The following AGL variants were observed in gnomAD, a reference collection of about 807,000 sequenced individuals.
AGL encodes glycogen debranching enzyme.
AGL carries 128 observed loss-of-function variants against 199.3 expected under a neutral mutation model. The ratio of observed to expected loss-of-function variants is 0.64; its 90% CI spans 0.56 to 0.74. The LOEUF (loss-of-function observed/expected upper bound fraction) is 0.74, where lower values mean the gene tolerates loss of function less well. Ranked by LOEUF, AGL falls within the 30% of genes least tolerant of loss-of-function variation. The pLI is 0.00. For synonymous variants in AGL, 584 were observed against 594.7 expected (o/e 0.98, Z 0.26); for missense variants, 1,809 against 1,820.8 (o/e 0.99, Z 0.12).
chr1:99,877,847 T>C lies in AGL; in HGVS notation c.1611+19T>C, dbSNP rs1651683598. ...AGCTGAGGTACAGAAAAACAATTTA[T>C]CTACATTAAGAAAAGAAATTCAGTG... On this transcript the variant is annotated intron_variant, in intron 12 of 33. Coordinates refer to ENST00000361915, the MANE Select transcript of AGL (RefSeq NM_000642.3). The C allele has an allele frequency of 6.2e-7, 1 of 1,611,618 alleles. No homozygotes were observed. Among genetic ancestry groups the C allele is most frequent in the Non-Finnish European group, 8.5e-7 (1 of 1,177,992 alleles).
intron 4 of AGL, among the ~76,000 whole-genome samples, chr1:99,862,642 C>CAG (rs1650153103): frequency 1.3e-5 from 2 of 152,024 alleles, no homozygotes. Flanking sequence ...ACAGTCATGG[C>CAG]AGAAGGCAAA....
intron 20 of AGL, among the ~76,000 whole-genome samples, chr1:99,886,079 G>C (rs6577142): frequency 0.52 from 78,401 of 151,960 alleles, 20,679 homozygotes; most frequent in East Asian, 0.68. Flanking sequence ...TCCATCATTA[G>C]CAATACTGAG....
chr1:99,876,788 G>C (rs1651578159), intron 11 of AGL, among the ~76,000 whole-genome samples, 191 bp downstream of exon 11: 1 of 152,172 alleles, frequency 6.6e-6, no homozygotes, highest in African/African-American at 2.4e-5. Flanking sequence ...TTCATCTTCT[G>C]TCCTCTCCTT....
chr1:99,851,012 A>G lies in AGL; in HGVS notation c.-31A>G. On this transcript the variant is annotated 5_prime_UTR_variant, in exon 2 of 34. It removes an upstream start codon present in the reference 5' UTR. Transcript: ENST00000361915. ...CGACTGTGGAGTTCTTTTAATTCTT[A>G]TGAAAGATTTCAAATCCTCTAGAAG... is the stretch of plus-strand genomic sequence containing the variant. The G allele has an allele frequency of 6.4e-7, 1 of 1,561,716 alleles. No homozygotes were observed. Among genetic ancestry groups the G allele is most frequent in the Non-Finnish European group, 8.8e-7 (1 of 1,132,552 alleles).
rs773138600 is a variant in AGL, at chr1:99,916,458, C to T, written c.4308C>T (p.Asn1436=). ...GIYDNALDND[N]YNLAKGFNYH... is the part of the protein sequence containing the mutation. ...ATGACAATGCATTAGACAATGACAA[C>T]TACAATCTTGCTAAAGGTTTCAATT... Residue 1436 remains asparagine (N), a synonymous_variant, in exon 32 of 34, where the codon AAC becomes AAT. Coordinates refer to ENST00000361915, the MANE Select transcript of AGL (RefSeq NM_000642.3). 3.7e-6 allele frequency: 6 copies of T among 1,612,722 alleles called. No homozygotes were observed. Among genetic ancestry groups the T allele is most frequent in the Non-Finnish European group, 5.1e-6 (6 of 1,179,196 alleles).
chr1:99,903,627 T>C (rs1654024727), intron 27 of AGL, among the ~76,000 whole-genome samples: 1 of 152,208 alleles, frequency 6.6e-6, no homozygotes, highest in Non-Finnish European at 1.5e-5. Context: ...GCAGCATGAT[T>C]TATAATCCTT....
Position 99,910,850 on chromosome 1 carries a change from A to G in AGL, c.3836+3A>G, listed in dbSNP as rs372921189. 3.0e-5 allele frequency: 49 copies of G among 1,611,778 alleles called. No individual in the cohort carries two copies. Among genetic ancestry groups the G allele is most frequent in the Non-Finnish European group, 3.8e-5 (45 of 1,178,530 alleles). On this transcript the variant is annotated splice_donor_region_variant and intron_variant, in intron 28 of 33. Coordinates refer to ENST00000361915, the MANE Select transcript of AGL (RefSeq NM_000642.3). ...AGAGGAATCCCAGCCACACCAAGGT[A>G]GTGTAAATGTTATAATGCTGTGTAA...
Position 99,852,536 on chromosome 1 carries a change from A to ATTT in AGL, c.82+1430_82+1432dup, listed in dbSNP as rs58176899. ...AGGCATACATCACTATGCCCCGCTA[A>ATTT]TTTTTTTTTTTTTTTTTTTTGTAGA... is the stretch of plus-strand genomic sequence containing the variant. On this transcript the variant is annotated intron_variant, in intron 2 of 33. Coordinates refer to ENST00000361915, the MANE Select transcript of AGL (RefSeq NM_000642.3). 2.3e-3 allele frequency: 1,117 copies of ATTT among 476,986 alleles called. 3 individuals carry two copies. Among genetic ancestry groups the ATTT allele is most frequent in the South Asian group, 4.0e-3 (160 of 40,088 alleles). 29.5% of individuals were successfully genotyped at this position (476,986 alleles called of 1,614,324 possible).
intron 25 of AGL, among the ~76,000 whole-genome samples, chr1:99,896,595 C>A (rs1653343508): frequency 6.6e-6 from 1 of 152,042 alleles, no homozygotes; most frequent in Non-Finnish European, 1.5e-5. Flanking sequence ...AAGTTCTAGT[C>A]CTTCATATTA....
At chr1:99,894,026 A>T (rs1653113309) in intron 24 of AGL, among the ~76,000 whole-genome samples, 1 of 152,036 alleles carries the variant, frequency 6.6e-6, no homozygotes. Flanking sequence ...TTACCAAAAA[A>T]AAAAATTAAA....
intron 2 of AGL, among the ~76,000 whole-genome samples, chr1:99,856,326 T>TCCTCCCTC (rs1335103886): frequency 3.1e-4 from 15 of 48,856 alleles, no homozygotes; most frequent in East Asian, 1.2e-3. Context: ...CTCCCTTCCT[T>TCCTCCCTC]CCTCCCTCCC....
At chr1:99,870,216 C>G (rs772998758) in intron 5 of AGL, among the ~76,000 whole-genome samples, 184 bp from the exon 6 acceptor site, 1 of 151,728 alleles carries the variant, frequency 6.6e-6, no homozygotes, top group Non-Finnish European at 1.5e-5. Context: ...TATGCTGAAG[C>G]GAATGATAGG....
intron 3 of AGL, 120 bp downstream of exon 3, chr1:99,861,833 A>G: frequency 9.1e-7 from 1 of 1,104,224 alleles, no homozygotes; most frequent in Non-Finnish European, 1.4e-6. Context: ...TGCTTCCTTG[A>G]GATGCAAATA....
chr1:99,892,916 T>C lies in AGL; in HGVS notation c.3259+309T>C, dbSNP rs75513313. On this transcript the variant is annotated intron_variant, in intron 24 of 33. Transcript: ENST00000361915. ...TTTTGCTATTCTCTTTTCTATATTT[T>C]CCCCCAATTTTAAAAAATAAACCCA... Among the ~76,000 whole-genome samples the C allele has an allele frequency of 5.7e-3, 861 of 152,182 alleles. 7 individuals are homozygous for C. The highest frequency in any genetic ancestry group is 9.5e-3 in the Non-Finnish European group (644 of 67,982).
At chr1:99,882,963 G>A (rs902955625) in intron 17 of AGL, among the ~76,000 whole-genome samples, 5 of 151,956 alleles carry the variant, frequency 3.3e-5, no homozygotes, top group African/African-American at 9.7e-5. Context: ...GCTAATATAC[G>A]TATTCAGTTT....
At chr1:99,901,798 C>A (rs1399228086) in intron 26 of AGL, among the ~76,000 whole-genome samples, 1 of 151,894 alleles carries the variant, frequency 6.6e-6, no homozygotes, top group East Asian at 1.9e-4. Context: ...TTGTAAGCTA[C>A]TCCAGGGTTA....
At chr1:99,883,628 T>C (rs1570449699) in intron 17 of AGL, among the ~76,000 whole-genome samples, 1 of 152,138 alleles carries the variant, frequency 6.6e-6, no homozygotes, top group Non-Finnish European at 1.5e-5. Context: ...GAAAATAATA[T>C]ATGTTGTTTA....
chr1:99,899,895 C>T (rs186074148), intron 25 of AGL, among the ~76,000 whole-genome samples: 2 of 152,010 alleles, frequency 1.3e-5, no homozygotes, highest in Admixed American at 1.3e-4. Context: ...GCTAGGATTA[C>T]AGGCCTGAGC....
At chr1:99,876,394 C>A in intron 10 of AGL, 64 bp from the exon 11 acceptor site, 1 of 1,264,534 alleles carries the variant, frequency 7.9e-7, no homozygotes, top group Non-Finnish European at 1.1e-6. Flanking sequence ...TTTAATATTG[C>A]AAATTTATAT....
Sources: allele counts gnomAD v4.1 joint callset (sites outside exome capture counted in the v4.1 genomes callset), GRCh38; gene constraint gnomAD v4.1.1; transcripts MANE v1.5; gene names NCBI Gene and HGNC (gene_info 2026-07-23, HGNC 2026-07-21).